CYP11B2: variants seen among roughly 807,000 people sequenced by gnomAD.
The protein encoded by CYP11B2 is cytochrome P450 family 11 subfamily B member 2.
In CYP11B2, 38 loss-of-function variants were observed where a neutral mutation model predicts 49.3. The observed-to-expected ratio is 0.77, with a 90% CI of 0.59 to 1.01. CYP11B2 has a LOEUF of 1.01. Ranked by LOEUF, CYP11B2 falls within the 50% of genes least tolerant of loss-of-function variation. The probability of loss-of-function intolerance (pLI) is 0.00; values close to 1 mark genes in which losing one functional copy is unlikely to be tolerated. For missense variants in CYP11B2, 669 were observed against 655.5 expected, an observed-to-expected ratio of 1.02 and a Z score of -0.23; for synonymous variants, 290 against 269.3, an observed-to-expected ratio of 1.08 and a Z score of -0.75.
chr8:142,915,741 A>G (rs542092383), intron 2 of CYP11B2, among the ~76,000 whole-genome samples: 3 of 95,890 alleles, frequency 3.1e-5, no homozygotes, highest in Admixed American at 1.1e-4. Flanking sequence ...TGAAGCATCT[A>G]TATCTTCTGC....
At chr8:142,915,338 C>A in intron 2 of CYP11B2, 93 bp from the exon 3 acceptor site, 1 of 1,185,526 alleles carries the variant, frequency 8.4e-7, no homozygotes, top group Non-Finnish European at 1.2e-6. Context: ...GGGGAATCGG[C>A]CTGCAGGGAG....
rs530398511 is a variant in CYP11B2, at chr8:142,911,059, T to C, written c.*921A>G. 26 of 152,246 alleles carry C rather than the reference T, an allele frequency of 1.7e-4. No homozygotes were observed. Among genetic ancestry groups the C allele is most frequent in the African/African-American group, 6.3e-4 (26 of 41,522 alleles). The allele number at this position is 152,246 out of a possible 1,614,324, so 9.4% of individuals were successfully genotyped here. A position where few individuals can be genotyped will look rare whatever the true frequency, so the allele number is the denominator to read the frequency against. On this transcript the variant is annotated 3_prime_UTR_variant, in exon 9 of 9. Coordinates refer to ENST00000323110, the MANE Select transcript of CYP11B2 (RefSeq NM_000498.3). ...CACGTAGGGAACTGCAGCCTCCCTG[T>C]GCCCACCCCAGGTCGTGGCACATGA...
At chr8:142,916,350 G>A (rs1451360562) in intron 2 of CYP11B2, 6 of 451,710 alleles carry the variant, frequency 1.3e-5, no homozygotes, top group Non-Finnish European at 2.7e-5. Context: ...CCATGGAGTG[G>A]GGGCTGTCAC....
At chr8:142,916,549 C>T (rs1817649525) in intron 2 of CYP11B2, 1 of 378,198 alleles carries the variant, frequency 2.6e-6, no homozygotes, top group South Asian at 1.9e-5. Flanking sequence ...AACGGAACCA[C>T]CAGCCACCTG....
chr8:142,917,393 C>T (rs1817666451), intron 1 of CYP11B2, among the ~76,000 whole-genome samples, 179 bp from the exon 2 acceptor site: 2 of 152,224 alleles, frequency 1.3e-5, no homozygotes, highest in African/African-American at 4.8e-5. Flanking sequence ...CTGAGTCCTG[C>T]CCTCTCTGCA....
At position 142,915,083 on chromosome 8, in the gene CYP11B2, C is replaced by G. The variant is rs1441910711; in HGVS notation, c.558G>C (p.Leu186=). The G allele has an allele frequency of 3.1e-6, 5 of 1,613,906 alleles. No homozygotes were observed. The highest frequency in any genetic ancestry group is 4.2e-6 in the Non-Finnish European group (5 of 1,179,964). The change falls in exon 3 of 9, where the codon CTG becomes CTC. Residue 186 remains leucine (L), a synonymous_variant. Transcript: ENST00000323110. Reference sequence around the variant, plus strand: ...AGTGGAAGATGCTGGGCTGGACGTCCAGGGTCAGGCTCCCCCGGGCGTTCT... The same window carrying G: ...AGTGGAAGATGCTGGGCTGGACGTCGAGGGTCAGGCTCCCCCGGGCGTTCT... The part of the protein sequence containing the change: ...VLQNARGSLT[L]DVQPSIFHYT...
chr8:142,917,249 G>A lies in CYP11B2; in HGVS notation c.240-35C>T, dbSNP rs754516886. 7.5e-6 allele frequency: 12 copies of A among 1,609,170 alleles called. No individual in the cohort carries two copies. In the African/African-American group the frequency reaches 1.5e-4, roughly 20 times the overall value. ...CAAGCAGGAGGCCCTGCTGGACGGG[G>A]TCATGTCCCTCGTGGCCCCACCCTG... is the stretch of plus-strand genomic sequence containing the variant. On this transcript the variant is annotated intron_variant, in intron 1 of 8. Transcript: ENST00000323110.
In CYP11B2 at chr8:142,911,992, T is replaced by C. The variant is rs2130323171; in HGVS notation, c.1500A>G (p.Arg500=). Reference sequence around the variant, plus strand: ...TGCAGATGCAAGACTAGTTAATCGCTCTGAAAGTGAGGAGGGGGGACGTGC... The same window carrying C: ...TGCAGATGCAAGACTAGTTAATCGCCCTGAAAGTGAGGAGGGGGGACGTGC... ...RPGTSPLLTF[R]AIN is the part of the protein sequence containing the mutation. The change falls in exon 9 of 9, where the codon AGA becomes AGG. Residue 500 remains arginine, a synonymous_variant. Coordinates refer to ENST00000323110, the MANE Select transcript of CYP11B2 (RefSeq NM_000498.3). 6.2e-7 allele frequency: 1 copy of C among 1,613,892 alleles called. No homozygotes were observed. The highest frequency in any genetic ancestry group is 8.5e-7 in the Non-Finnish European group (1 of 1,179,906).
chr8:142,912,523 T>G lies in CYP11B2; in HGVS notation c.1398+7A>C, dbSNP rs1360903814. The G allele has an allele frequency of 8.1e-5, 94 of 1,166,170 alleles. No individual in the cohort carries two copies. Among genetic ancestry groups the G allele is most frequent in the Non-Finnish European group, 1.1e-4 (90 of 782,816 alleles). The allele number at this position is 1,166,170 out of a possible 1,614,324, so 72.2% of individuals were successfully genotyped here. Reference sequence around the variant, plus strand: ...CAGGTCCCGCCCCCGCCCCCAGGCCTGCTTACGTGGTGCAGCAGCAGCAGC... The same window carrying G: ...CAGGTCCCGCCCCCGCCCCCAGGCCGGCTTACGTGGTGCAGCAGCAGCAGC... On this transcript the variant is annotated splice_region_variant and intron_variant, in intron 8 of 8. Transcript: ENST00000323110.
At chr8:142,916,457 C>G (rs1389603047) in intron 2 of CYP11B2, 5 of 456,118 alleles carry the variant, frequency 1.1e-5, no homozygotes, top group Admixed American at 2.4e-5. Flanking sequence ...CCCACCTGAC[C>G]AGGCGCCACC....
At chr8:142,916,179 GC>G (rs984958214) in intron 2 of CYP11B2, among the ~76,000 whole-genome samples, 1 of 152,026 alleles carries the variant, frequency 6.6e-6, no homozygotes, top group African/African-American at 2.4e-5. Flanking sequence ...ATACAGGAGC[GC>G]TCCCCTTCCT....
At position 142,915,133 on chromosome 8, in the gene CYP11B2, G is replaced by A. The variant is rs774041613; in HGVS notation, c.508C>T (p.Gln170Ter). The change falls in exon 3 of 9, where the codon CAG (glutamine) becomes TAG (stop). Residue 170 changes from glutamine to a stop codon, truncating the protein, a stop_gained. Coordinates refer to ENST00000323110, the MANE Select transcript of CYP11B2 (RefSeq NM_000498.3). LOFTEE classifies it high-confidence loss of function. ...TGCAGCACCTTCTTCTTCAGGGCCT[G>A]GGAGAAGTCCCTGGCCACTGCATCC... Reference protein sequence around the residue: ...MVDAVARDFSQALKKKVLQNA... With the variant: ...MVDAVARDFS 2.5e-6 allele frequency: 4 copies of A among 1,613,926 alleles called. No homozygotes were observed. The highest frequency in any genetic ancestry group is 3.4e-6 in the Non-Finnish European group (4 of 1,179,948).
At position 142,915,134 on chromosome 8, in the gene CYP11B2, G is replaced by A; in HGVS notation, c.507C>T (p.Ser169=). 1.9e-6 allele frequency: 3 copies of A among 1,613,946 alleles called. No individual in the cohort carries two copies. The highest frequency in any genetic ancestry group is 1.7e-6 in the Non-Finnish European group (2 of 1,179,946). The stretch of plus-strand genomic sequence containing the variant: ...GCAGCACCTTCTTCTTCAGGGCCTG[G>A]GAGAAGTCCCTGGCCACTGCATCCA... The part of the protein sequence containing the change: ...PMVDAVARDF[S]QALKKKVLQN... The change falls in exon 3 of 9, where the codon TCC becomes TCT. Residue 169 remains serine, a synonymous_variant. Transcript: ENST00000323110.
At chr8:142,917,496 G>A (rs375425276) in intron 1 of CYP11B2, 106 bp downstream of exon 1, 1 of 1,613,244 alleles carries the variant, frequency 6.2e-7, no homozygotes, top group Non-Finnish European at 8.5e-7. Context: ...AAAGGATGCA[G>A]AGTGCCGGGA....
chr8:142,911,885 C>G lies in CYP11B2; in HGVS notation c.*95G>C. 6.3e-7 allele frequency: 1 copy of G among 1,580,504 alleles called. No individual in the cohort carries two copies. Among genetic ancestry groups the G allele is most frequent in the Non-Finnish European group, 8.6e-7 (1 of 1,159,326 alleles). On this transcript the variant is annotated 3_prime_UTR_variant, in exon 9 of 9. Coordinates refer to ENST00000323110, the MANE Select transcript of CYP11B2 (RefSeq NM_000498.3). Reference sequence around the variant, plus strand: ...GAGCTGGCTGGACAGAGGGGTGACTCAGGAAGCTGTGCACGTGGGAGAGAA... The same window carrying G: ...GAGCTGGCTGGACAGAGGGGTGACTGAGGAAGCTGTGCACGTGGGAGAGAA...
At chr8:142,916,230 G>C (rs1817642719) in intron 2 of CYP11B2, among the ~76,000 whole-genome samples, 1 of 152,056 alleles carries the variant, frequency 6.6e-6, no homozygotes, top group Non-Finnish European at 1.5e-5. Flanking sequence ...TGCCTTCCTG[G>C]GTCCTGACTC....
chr8:142,917,132 G>A lies in CYP11B2; in HGVS notation c.322C>T (p.Pro108Ser), dbSNP rs567226780. The change falls in exon 2 of 9, where the codon CCC becomes TCC. Residue 108 changes from proline (P) to serine (S), a missense_variant. By Grantham distance (74) the Pro-to-Ser change is moderately conservative. Coordinates refer to ENST00000323110, the MANE Select transcript of CYP11B2 (RefSeq NM_000498.3). ...EKLQQVDSLH[P>S]CRMILEPWVA... ...CAGGGCTCCAGGATCATCCTGCAGGGATGCAGGCTGTCCACCTGTTGCAGC... is the reference window on the plus strand; with the variant it reads ...CAGGGCTCCAGGATCATCCTGCAGGAATGCAGGCTGTCCACCTGTTGCAGC... The A allele has an allele frequency of 2.5e-6, 4 of 1,614,228 alleles. No individual in the cohort carries two copies. In the African/African-American group the frequency reaches 4.0e-5, roughly 16 times the overall value.
Position 142,917,649 on chromosome 8 carries a change from C to T in CYP11B2, c.192G>A (p.Leu64=). The T allele has an allele frequency of 6.2e-7, 1 of 1,614,256 alleles. No homozygotes were observed. Among genetic ancestry groups the T allele is most frequent in the Non-Finnish European group, 8.5e-7 (1 of 1,180,052 alleles). Residue 64 remains leucine, a synonymous_variant, in exon 1 of 9, where the codon CTG becomes CTA. Transcript: ENST00000323110. ...GGAAGGTCTGGTGCATCTCCAGGTG[C>T]AGGTGCTCATAACCCTGCTCCCTCC... ...QIWREQGYEH[L]HLEMHQTFQE...
At chr8:142,915,283 GC>G in intron 2 of CYP11B2, 38 bp from the exon 3 acceptor site, 2 of 1,537,478 alleles carry the variant, frequency 1.3e-6, no homozygotes, top group Non-Finnish European at 1.8e-6. Context: ...GGCCGCCCCA[GC>G]AAGACACAGG....
Sources: allele counts gnomAD v4.1 joint callset (sites outside exome capture counted in the v4.1 genomes callset), GRCh38; gene constraint gnomAD v4.1.1; transcripts MANE v1.5; gene names NCBI Gene and HGNC (gene_info 2026-07-23, HGNC 2026-07-21).